Variants in PDE3A observed in about 807,000 individuals in gnomAD.
The protein encoded by PDE3A is phosphodiesterase 3A, also known as cGMP-inhibited 3',5'-cyclic phosphodiesterase 3A.
PDE3A carries 43 observed loss-of-function variants against 98.3 expected under a neutral mutation model. The ratio of observed to expected loss-of-function variants is 0.44; its 90% confidence interval spans 0.34 to 0.56. The LOEUF (loss-of-function observed/expected upper bound fraction) is 0.56. PDE3A is among the 20% of genes least tolerant of loss of function. PDE3A has a pLI of 0.01. For synonymous variants in PDE3A, 663 were observed against 567.9 expected, an observed-to-expected ratio of 1.17 and a Z score of -2.38; for missense variants, 1,427 against 1,440.7, an observed-to-expected ratio of 0.99 and a Z score of 0.15.
chr12:20,559,466 C>T (rs900374670), intron 2 of PDE3A, among the ~76,000 whole-genome samples: 12 of 150,806 alleles, frequency 8.0e-5, no homozygotes, highest in African/African-American at 2.2e-4. Context: ...GGTGAAACCC[C>T]GTCTCCACTA....
chr12:20,397,078 A>C (rs1591884863), intron 1 of PDE3A, among the ~76,000 whole-genome samples: 2 of 152,084 alleles, frequency 1.3e-5, no homozygotes, highest in South Asian at 2.1e-4. Context: ...TAAAGATGCT[A>C]ATAATAATAA....
At chr12:20,445,200 G>A (rs572021817) in intron 1 of PDE3A, among the ~76,000 whole-genome samples, 32 of 152,268 alleles carry the variant, frequency 2.1e-4, no homozygotes, top group African/African-American at 7.5e-4. Flanking sequence ...AAGTCGAGAG[G>A]TGAAGCCTGG....
intron 1 of PDE3A, among the ~76,000 whole-genome samples, chr12:20,483,255 G>C (rs756087432): frequency 2.0e-5 from 3 of 152,144 alleles, no homozygotes; most frequent in Non-Finnish European, 4.4e-5. Flanking sequence ...TGGGCGTGGT[G>C]GTGGGCGCCT....
At chr12:20,654,802 G>A (rs886936249) in intron 15 of PDE3A, among the ~76,000 whole-genome samples, 1 of 151,426 alleles carries the variant, frequency 6.6e-6, no homozygotes, top group East Asian at 2.0e-4. Flanking sequence ...GTGAGCCACC[G>A]CGCCCAGCTG....
chr12:20,527,589 C>T (rs540864005), intron 1 of PDE3A, among the ~76,000 whole-genome samples: 4 of 152,254 alleles, frequency 2.6e-5, no homozygotes, highest in African/African-American at 7.2e-5. Flanking sequence ...ACTCTGACGT[C>T]AAGGACTCAC....
intron 1 of PDE3A, among the ~76,000 whole-genome samples, chr12:20,522,545 T>G (rs930392005): frequency 1.6e-4 from 24 of 152,128 alleles, no homozygotes; most frequent in African/African-American, 5.3e-4. Context: ...GTGTAGCTTT[T>G]GGGGTGTTGT....
In PDE3A at chr12:20,681,545, T is replaced by A. The variant is rs1350591259; in HGVS notation, c.*1274T>A. On this transcript the variant is annotated 3_prime_UTR_variant, in exon 16 of 16. Transcript: ENST00000359062. Reference sequence around the variant, plus strand: ...TAGGAAAAGCCTGATTCTTGGCAACTGTTGTAGTTTGTCTTTCAGGGGTGA... The same window carrying A: ...TAGGAAAAGCCTGATTCTTGGCAACAGTTGTAGTTTGTCTTTCAGGGGTGA... 3.3e-5 allele frequency: 5 copies of A among 152,222 alleles called. No homozygotes were observed. Among genetic ancestry groups the A allele is most frequent in the African/African-American group, 1.2e-4 (5 of 41,460 alleles). 9.4% of individuals were successfully genotyped at this position (152,222 alleles called of 1,614,324 possible). A position where few individuals can be genotyped will look rare whatever the true frequency, so the allele number is the denominator to read the frequency against.
intron 1 of PDE3A, among the ~76,000 whole-genome samples, chr12:20,538,491 T>C (rs977849145): frequency 6.6e-6 from 1 of 152,134 alleles, no homozygotes; most frequent in African/African-American, 2.4e-5. Flanking sequence ...TCTCCTGATC[T>C]GTAAGGGAGT....
intron 2 of PDE3A, among the ~76,000 whole-genome samples, chr12:20,563,450 T>A (rs889507909): frequency 6.6e-6 from 1 of 152,008 alleles, no homozygotes; most frequent in African/African-American, 2.4e-5. Context: ...TATTAGTCTC[T>A]CAAATGTCCG....
chr12:20,415,386 G>A (rs1944405619), intron 1 of PDE3A, among the ~76,000 whole-genome samples: 1 of 144,010 alleles, frequency 6.9e-6, no homozygotes, highest in Non-Finnish European at 1.5e-5. Flanking sequence ...TAAGCCGTTG[G>A]CCTCCTTTTA....
At chr12:20,577,136 C>T (rs1942953993) in intron 2 of PDE3A, among the ~76,000 whole-genome samples, 1 of 152,000 alleles carries the variant, frequency 6.6e-6, no homozygotes, top group African/African-American at 2.4e-5. Context: ...CACCCCCACC[C>T]CCAAACAAGG....
At chr12:20,529,141 G>A (rs1946578244) in intron 1 of PDE3A, among the ~76,000 whole-genome samples, 1 of 152,128 alleles carries the variant, frequency 6.6e-6, no homozygotes, top group African/African-American at 2.4e-5. Flanking sequence ...TCTACCAGAA[G>A]AATCATAGGT....
In PDE3A at chr12:20,645,458, CTTATT is replaced by C. The variant is rs888266639; in HGVS notation, c.2252-1028_2252-1024del. ...TGTTCTCTCCTGTTTCTCTCTTCTC[CTTATT>C]TTAAGTATTATGAAGAAATGTAATC... On this transcript the variant is annotated intron_variant, in intron 10 of 15. Coordinates refer to ENST00000359062, the MANE Select transcript of PDE3A (RefSeq NM_000921.5). Among the ~76,000 whole-genome samples the C allele has an allele frequency of 4.1e-4, 63 of 151,924 alleles. 2 individuals are homozygous for C. Among genetic ancestry groups the C allele is most frequent in the Non-Finnish European group, 2.1e-4 (14 of 68,000 alleles).
Position 20,635,044 on chromosome 12 carries a change from CATG to C in PDE3A, c.1993_1995del (p.Met665del), listed in dbSNP as rs1336807909. 3.7e-6 allele frequency: 6 copies of C among 1,611,730 alleles called. No individual in the cohort carries two copies. The highest frequency in any genetic ancestry group is 3.4e-6 in the Non-Finnish European group (4 of 1,179,088). On this transcript the variant is annotated inframe_deletion, in exon 8 of 16. Transcript: ENST00000359062. ...CTTGCAGCACCTATGCTCCTGAGAC[CATG>C]ATGTTTCTGGTAGTCCCATATCACT...
chr12:20,666,552 TA>T (rs1262800779), intron 15 of PDE3A, among the ~76,000 whole-genome samples: 2 of 152,160 alleles, frequency 1.3e-5, no homozygotes, highest in Admixed American at 1.3e-4. Flanking sequence ...TTGCTAGACT[TA>T]TTTCATTTAA....
rs757605252 is a variant in PDE3A at position 20,650,609 on chromosome 12, C to G, written c.2925+9C>G. ...ATGAATTTTATGAACAGGTAACTGA[C>G]CACTGTTTAATACAGCTTAATCTGT... On this transcript the variant is annotated intron_variant, in intron 14 of 15. Transcript: ENST00000359062. The G allele has an allele frequency of 6.3e-7, 1 of 1,591,530 alleles. No homozygotes were observed.
intron 1 of PDE3A, among the ~76,000 whole-genome samples, chr12:20,387,059 G>A (rs952560358): frequency 6.6e-6 from 1 of 151,962 alleles, no homozygotes; most frequent in African/African-American, 2.4e-5. Flanking sequence ...TTTTTGTCAG[G>A]TTTGTTGAAG....
chr12:20,565,173 G>A (rs556003310), intron 2 of PDE3A, among the ~76,000 whole-genome samples: 3 of 151,990 alleles, frequency 2.0e-5, no homozygotes, highest in Non-Finnish European at 4.4e-5. Context: ...TTGCACGTAC[G>A]TTCTTGTAAA....
chr12:20,412,956 C>T (rs1944360506), intron 1 of PDE3A, among the ~76,000 whole-genome samples: 1 of 152,154 alleles, frequency 6.6e-6, no homozygotes. Context: ...GCTCATACCA[C>T]ATATGTGGCA....
Sources: gnomAD v4.1 joint callset for allele counts (sites outside exome capture counted in the v4.1 genomes callset) on GRCh38, gnomAD v4.1.1 for gene constraint, MANE v1.5 for transcripts, NCBI Gene and HGNC (gene_info 2026-07-23, HGNC 2026-07-21) for gene names.